The following UIMC1 variants were observed in gnomAD, a reference collection of about 807,000 sequenced individuals.
UIMC1 encodes ubiquitin interaction motif containing 1.
A neutral mutation model predicts 84.9 loss-of-function variants in UIMC1; 42 were observed. The observed-to-expected ratio is 0.49, with a 90% confidence interval of 0.39 to 0.64. The LOEUF (loss-of-function observed/expected upper bound fraction) is 0.64. UIMC1 is among the 30% of genes least tolerant of loss of function. The pLI, the probability that UIMC1 is intolerant of heterozygous loss-of-function variation, is 0.00. For synonymous variants in UIMC1, 281 were observed against 293.0 expected (o/e 0.96, Z 0.42); for missense variants, 825 against 847.6 (o/e 0.97, Z 0.33).
At chr5:176,967,377 T>C (rs1025841803) in intron 6 of UIMC1, among the ~76,000 whole-genome samples, 1 of 151,774 alleles carries the variant, frequency 6.6e-6, no homozygotes, top group African/African-American at 2.4e-5. Context: ...GAAAATAATG[T>C]GTAAATCATT....
At chr5:176,938,189 C>CAAA (rs1170386962) in intron 10 of UIMC1, among the ~76,000 whole-genome samples, 8 of 56,328 alleles carry the variant, frequency 1.4e-4, no homozygotes, top group East Asian at 5.9e-4. Context: ...GACCCTGTCT[C>CAAA]AAAAAAAAAA....
chr5:176,935,539 C>A (rs1398158192), intron 10 of UIMC1, among the ~76,000 whole-genome samples: 1 of 152,158 alleles, frequency 6.6e-6, no homozygotes, highest in Non-Finnish European at 1.5e-5. Context: ...CTTATTACTT[C>A]TATGAAACCT....
At chr5:176,957,699 G>A (rs1367632010) in intron 7 of UIMC1, among the ~76,000 whole-genome samples, 1 of 152,168 alleles carries the variant, frequency 6.6e-6, no homozygotes, top group Non-Finnish European at 1.5e-5. Flanking sequence ...AGCATAAGCA[G>A]AGTTGGGGAA....
At chr5:176,961,931 G>A (rs1238026601) in intron 6 of UIMC1, among the ~76,000 whole-genome samples, 3 of 63,920 alleles carry the variant, frequency 4.7e-5, no homozygotes, top group African/African-American at 1.4e-4. Context: ...CGCCCCGTCC[G>A]GGAGGGAGGT....
chr5:176,954,747 CAAAAAAA>C (rs79682515), intron 8 of UIMC1, among the ~76,000 whole-genome samples: 2 of 63,998 alleles, frequency 3.1e-5, no homozygotes, highest in Non-Finnish European at 6.4e-5. Flanking sequence ...AACTCTGTCT[CAAAAAAA>C]AAAAAAAAAG....
chr5:176,938,875 C>G (rs974043864), intron 10 of UIMC1, among the ~76,000 whole-genome samples: 18 of 151,938 alleles, frequency 1.2e-4, no homozygotes, highest in African/African-American at 4.1e-4. Context: ...GCTTATTTCA[C>G]CATTGATAAT....
intron 10 of UIMC1, among the ~76,000 whole-genome samples, chr5:176,941,070 A>G (rs1659351907): frequency 6.6e-6 from 1 of 152,242 alleles, no homozygotes; most frequent in African/African-American, 2.4e-5. Context: ...TTTTAGGCTA[A>G]GAGGCTCAGT....
intron 10 of UIMC1, among the ~76,000 whole-genome samples, chr5:176,941,836 T>C (rs1397722600): frequency 6.6e-6 from 1 of 151,876 alleles, no homozygotes; most frequent in Non-Finnish European, 1.5e-5. Context: ...AAAGTAGGGA[T>C]TTTGGTACAG....
intron 3 of UIMC1, among the ~76,000 whole-genome samples, chr5:176,973,566 T>C (rs1055826304): frequency 7.1e-6 from 1 of 141,092 alleles, no homozygotes; most frequent in Non-Finnish European, 1.5e-5. Context: ...GGTGACAAAG[T>C]GAGACCCTGT....
At chr5:176,923,118 A>G (rs967368858) in intron 10 of UIMC1, among the ~76,000 whole-genome samples, 1 of 152,204 alleles carries the variant, frequency 6.6e-6, no homozygotes, top group African/African-American at 2.4e-5. Context: ...AAAGATTTCT[A>G]TTTAGGAACT....
At chr5:177,012,026 T>G (rs1775559718) in intron 1 of UIMC1, among the ~76,000 whole-genome samples, 2 of 152,118 alleles carry the variant, frequency 1.3e-5, no homozygotes, top group African/African-American at 4.8e-5. Context: ...AGTCTCGATC[T>G]CCTGACCTCA....
chr5:177,018,935 G>A (rs2149556331), intron 1 of UIMC1, among the ~76,000 whole-genome samples: 1 of 152,274 alleles, frequency 6.6e-6, no homozygotes, highest in African/African-American at 2.4e-5. Flanking sequence ...ATCCTTGTGG[G>A]TTCTGCGACT....
intron 10 of UIMC1, among the ~76,000 whole-genome samples, chr5:176,930,424 T>C (rs940219731): frequency 6.6e-6 from 1 of 152,348 alleles, no homozygotes; most frequent in African/African-American, 2.4e-5. Context: ...CTAGCTCTTG[T>C]CACTTTCTAG....
At chr5:176,999,082 C>T (rs1486358445) in intron 1 of UIMC1, among the ~76,000 whole-genome samples, 1 of 152,042 alleles carries the variant, frequency 6.6e-6, no homozygotes, top group Non-Finnish European at 1.5e-5. Context: ...GTCCCAGCTA[C>T]TCAGGAGACT....
chr5:176,998,802 T>C (rs146687126), intron 1 of UIMC1, among the ~76,000 whole-genome samples: 38 of 152,228 alleles, frequency 2.5e-4, no homozygotes, highest in Admixed American at 7.2e-4. Flanking sequence ...CAAAAAATTA[T>C]ACAAACCTTG....
intron 6 of UIMC1, among the ~76,000 whole-genome samples, chr5:176,961,000 G>A (rs1398084156): frequency 2.3e-5 from 1 of 42,564 alleles, no homozygotes; most frequent in Non-Finnish European, 4.0e-5. Context: ...CCTCCCAGCC[G>A]CCTGCCTTGG....
intron 1 of UIMC1, among the ~76,000 whole-genome samples, chr5:176,984,586 G>A (rs1771666566): frequency 6.6e-6 from 1 of 152,032 alleles, no homozygotes; most frequent in African/African-American, 2.4e-5. Context: ...GTACCCAACA[G>A]CTCCGAAGAG....
At chr5:176,992,891 C>G (rs1031179185) in intron 1 of UIMC1, among the ~76,000 whole-genome samples, 1 of 151,994 alleles carries the variant, frequency 6.6e-6, no homozygotes, top group Non-Finnish European at 1.5e-5. Flanking sequence ...CCAGAATATA[C>G]AAACAATTAT....
At chr5:176,938,246 A>AC (rs1426658962) in intron 10 of UIMC1, among the ~76,000 whole-genome samples, 1 of 151,864 alleles carries the variant, frequency 6.6e-6, no homozygotes, top group Non-Finnish European at 1.5e-5. Flanking sequence ...ACAGTAAAAA[A>AC]AAAAAAAGGC....
Sources: allele counts gnomAD v4.1 joint callset (sites outside exome capture counted in the v4.1 genomes callset), GRCh38; gene constraint gnomAD v4.1.1; transcripts MANE v1.5; gene names NCBI Gene and HGNC (gene_info 2026-07-23, HGNC 2026-07-21).